The following KMT2B variants were observed in gnomAD, a reference collection of about 807,000 sequenced individuals.
KMT2B encodes lysine methyltransferase 2B, also known as histone-lysine N-methyltransferase 2B.
Under a neutral mutation model 255.3 loss-of-function variants are expected in KMT2B, and 22 were observed. The ratio of observed to expected loss-of-function variants is 0.09; its 90% CI spans 0.06 to 0.12. KMT2B has a LOEUF of 0.12. Among genes scored for constraint, KMT2B ranks in the 10% least tolerant of loss-of-function variants. The pLI is 1.00. For missense variants in KMT2B, 3,149 were observed against 3,737.0 expected (o/e 0.84, Z 4.10); for synonymous variants, 1,730 against 1,498.1 (o/e 1.15, Z -3.57).
At chr19:35,726,427 C>G in intron 14 of KMT2B, 74 bp downstream of exon 14, 1 of 985,512 alleles carries the variant, frequency 1.0e-6, no homozygotes. Flanking sequence ...GGCTTTAGCA[C>G]AGACCCTCTT....
At position 35,732,999 on chromosome 19, in the gene KMT2B, A is replaced by G. The variant is rs774658297; in HGVS notation, c.6450A>G (p.Gln2150=). ...PPLANGSQPS[Q]GLTASPADPT... ...TGGCTAATGGCAGCCAGCCCTCCCAAGGCCTGACCGCCAGCCCAGCTGACC... is the reference window on the plus strand; with the variant it reads ...TGGCTAATGGCAGCCAGCCCTCCCAGGGCCTGACCGCCAGCCCAGCTGACC... The change falls in exon 28 of 37, where the codon CAA becomes CAG. Residue 2150 remains glutamine, a synonymous_variant. Transcript: ENST00000420124. 4 of 1,598,360 alleles carry G rather than the reference A, an allele frequency of 2.5e-6. No homozygotes were observed. Among genetic ancestry groups the G allele is most frequent in the Non-Finnish European group, 3.4e-6 (4 of 1,173,268 alleles).
At position 35,718,456 on chromosome 19, in the gene KMT2B, G is replaced by C; in HGVS notation, c.363+75G>C. On this transcript the variant is annotated intron_variant, in intron 1 of 36. Coordinates refer to ENST00000420124, the MANE Select transcript of KMT2B (RefSeq NM_014727.3). The surrounding 1 kb of genome is among the most constrained non-coding windows in gnomAD (Gnocchi z 5.0). ...CTTCCAGGGGTCTGGGTTGTCCCGG[G>C]GGCGGCGTGGGCAGGCCGGGTCCTC... The C allele has an allele frequency of 8.3e-7, 1 of 1,202,018 alleles. No individual in the cohort carries two copies. Among genetic ancestry groups the C allele is most frequent in the African/African-American group, 1.6e-5 (1 of 62,888 alleles). The allele number at this position is 1,202,018 out of a possible 1,614,324, so 74.5% of individuals were successfully genotyped here. A position where few individuals can be genotyped will look rare whatever the true frequency, so the allele number is the denominator to read the frequency against.
chr19:35,730,188 C>T, intron 23 of KMT2B, 63 bp downstream of exon 23: 1 of 1,606,186 alleles, frequency 6.2e-7, no homozygotes, highest in South Asian at 1.1e-5. Flanking sequence ...ACTTAGGGAC[C>T]CCCGTGGCCC....
In KMT2B at chr19:35,728,144, A is replaced by G; in HGVS notation, c.4544A>G (p.Tyr1515Cys). The G allele has an allele frequency of 6.3e-7, 1 of 1,598,792 alleles. No individual in the cohort carries two copies. The highest frequency in any genetic ancestry group is 1.3e-5 in the African/African-American group (1 of 74,666). Residue 1515 changes from tyrosine (Y) to cysteine (C), a missense_variant, in exon 19 of 37, where the codon TAC becomes TGC. Physicochemically the swap from Tyr to Cys is radical, Grantham distance 194 (BLOSUM62 -2). Around this residue, in one of 18 missense-constraint regions of KMT2B, gnomAD observed 377 missense variants for 471.0 expected, o/e 0.80. Transcript: ENST00000420124. ...FGWFDAHDPK[Y>C]WRRSTRLPNG... is the part of the protein sequence containing the mutation. Reference sequence around the variant, plus strand: ...TGGTTCGACGCCCACGACCCCAAGTACTGGCGACGGAGTACCCGGCTGCCA... The same window carrying G: ...TGGTTCGACGCCCACGACCCCAAGTGCTGGCGACGGAGTACCCGGCTGCCA...
chr19:35,732,509 G>A lies in KMT2B; in HGVS notation c.5960G>A (p.Ser1987Asn). The A allele has an allele frequency of 2.5e-6, 4 of 1,613,958 alleles. No individual in the cohort carries two copies. The highest frequency in any genetic ancestry group is 3.4e-6 in the Non-Finnish European group (4 of 1,179,878). Reference protein sequence around the residue: ...FEDMEVVSGLSAADLDFAASL... With the variant: ...FEDMEVVSGLNAADLDFAASL... ...GACATGGAGGTGGTGTCAGGACTGA[G>A]TGCTGCTGACCTGGACTTCGCGGCC... The change falls in exon 28 of 37, where the codon AGT becomes AAT. Residue 1987 changes from serine (S) to asparagine (N), a missense_variant. Transcript: ENST00000420124.
rs1013713042 is a variant in KMT2B, at chr19:35,718,499, A to G, written c.363+118A>G. The G allele has an allele frequency of 2.7e-6, 3 of 1,128,176 alleles. No homozygotes were observed. Among genetic ancestry groups the G allele is most frequent in the Non-Finnish European group, 2.2e-6 (2 of 901,630 alleles). 69.9% of individuals were successfully genotyped at this position (1,128,176 alleles called of 1,614,324 possible). ...GGGTCCTCAGGGTTCCTTCGGAGAG[A>G]CGGGGCACGGAGGGAGGGCGGCTGC... On this transcript the variant is annotated intron_variant, in intron 1 of 36. Transcript: ENST00000420124. The surrounding 1 kb of genome is among the most constrained non-coding windows in gnomAD (Gnocchi z 5.0).
Position 35,725,361 on chromosome 19 carries a change from C to A in KMT2B, c.3642+28C>A. 6.4e-7 allele frequency: 1 copy of A among 1,558,458 alleles called. No homozygotes were observed. The highest frequency in any genetic ancestry group is 1.2e-5 in the South Asian group (1 of 83,052). On this transcript the variant is annotated intron_variant, in intron 11 of 36. Transcript: ENST00000420124. This position sits in a 1 kb window ranked among gnomAD's most constrained non-coding sequence, Gnocchi z 4.1. ...TAGATCTCTGCCTTTCTTCACAGAC[C>A]CCCAGCTCTCTGTCGGTCCTCACGG...
In KMT2B at chr19:35,730,872, G is replaced by A. The variant is rs1263245235; in HGVS notation, c.5437+5G>A. On this transcript the variant is annotated splice_donor_5th_base_variant and intron_variant, in intron 26 of 36. Coordinates refer to ENST00000420124, the MANE Select transcript of KMT2B (RefSeq NM_014727.3). ...ACAGCCCCGCCCCTTCCTCAGGTGT[G>A]GCTTTGGCTCTGTCTTCTTCCTGAA... is the stretch of plus-strand genomic sequence containing the variant. 2 of 1,595,240 alleles carry A rather than the reference G, an allele frequency of 1.3e-6. No homozygotes were observed. The highest frequency in any genetic ancestry group is 1.7e-6 in the Non-Finnish European group (2 of 1,170,336).
At position 35,738,213 on chromosome 19, in the gene KMT2B, G is replaced by A. The variant is rs1449246617; in HGVS notation, c.7872+22G>A. The stretch of plus-strand genomic sequence containing the variant: ...GAAGGTGGGCTCCCAGTGGCTGTGG[G>A]AAGACAGTGGGTGAAGCGAGCCTGT... On this transcript the variant is annotated intron_variant, in intron 36 of 36. Coordinates refer to ENST00000420124, the MANE Select transcript of KMT2B (RefSeq NM_014727.3). The surrounding 1 kb of genome is among the most constrained non-coding windows in gnomAD (Gnocchi z 8.7). The A allele has an allele frequency of 1.9e-6, 3 of 1,613,764 alleles. No homozygotes were observed. Among genetic ancestry groups the A allele is most frequent in the Non-Finnish European group, 2.5e-6 (3 of 1,179,806 alleles).
Position 35,723,928 on chromosome 19 carries a change from C to T in KMT2B, c.3255C>T (p.Ser1085=). The T allele has an allele frequency of 1.2e-6, 2 of 1,612,436 alleles. No homozygotes were observed. The highest frequency in any genetic ancestry group is 1.7e-6 in the Non-Finnish European group (2 of 1,179,652). ...GGCGCTGCGTCAAACAGCGACCCTCCTATGATATCTTCGAGGATTCGGATG... is the reference window on the plus strand; with the variant it reads ...GGCGCTGCGTCAAACAGCGACCCTCTTATGATATCTTCGAGGATTCGGATG... The part of the protein sequence containing the change: ...SARRCVKQRP[S]YDIFEDSDDS... Residue 1085 remains serine, a synonymous_variant, in exon 8 of 37, where the codon TCC becomes TCT. Coordinates refer to ENST00000420124, the MANE Select transcript of KMT2B (RefSeq NM_014727.3). This position sits in a 1 kb window ranked among gnomAD's most constrained non-coding sequence, Gnocchi z 7.5.
At position 35,733,099 on chromosome 19, in the gene KMT2B, C is replaced by G. The variant is rs1177278955; in HGVS notation, c.6550C>G (p.Pro2184Ala). 1.1e-5 allele frequency: 18 copies of G among 1,567,334 alleles called. No individual in the cohort carries two copies. The change falls in exon 28 of 37, where the codon CCC becomes GCC. Residue 2184 changes from proline to alanine, a missense_variant. Around this residue, in one of 18 missense-constraint regions of KMT2B, gnomAD observed 897 missense variants for 825.3 expected, o/e 1.09. Transcript: ENST00000420124. The surrounding 1 kb of genome is among the most constrained non-coding windows in gnomAD (Gnocchi z 4.3). ...VLSLGPAPEPPKPATSKIILV... is the reference protein window; with the variant it reads ...VLSLGPAPEPAKPATSKIILV... ...AAGCCTTGGCCCTGCCCCTGAGCCC[C>G]CCAAACCCGCCACATCCAAAATCAT...
chr19:35,732,863 C>A lies in KMT2B; in HGVS notation c.6314C>A (p.Pro2105His). The change falls in exon 28 of 37, where the codon CCT becomes CAT. Residue 2105 changes from proline (P) to histidine (H), a missense_variant. Pro to His is a moderately conservative substitution (Grantham distance 77, BLOSUM62 -2). Transcript: ENST00000420124. Reference sequence around the variant, plus strand: ...GGGGCTGCAGGGGACAGGGCCCGGCCTCCTGAGGACCTGCCATCGGAAATT... The same window carrying A: ...GGGGCTGCAGGGGACAGGGCCCGGCATCCTGAGGACCTGCCATCGGAAATT... ...VLGAAGDRAR[P>H]PEDLPSEIVD... 1 of 1,609,922 alleles carries A rather than the reference C, an allele frequency of 6.2e-7. No homozygotes were observed. The highest frequency in any genetic ancestry group is 8.5e-7 in the Non-Finnish European group (1 of 1,178,702).
intron 23 of KMT2B, 23 bp downstream of exon 23, chr19:35,730,148 A>G: frequency 6.2e-7 from 1 of 1,613,192 alleles, no homozygotes; most frequent in Non-Finnish European, 8.5e-7. Flanking sequence ...TGTGGGGTAC[A>G]CGGTTCCTTC....
Position 35,720,233 on chromosome 19 carries a change from G to A in KMT2B, c.886G>A (p.Gly296Ser), listed in dbSNP as rs201417711. 164 of 1,611,470 alleles carry A rather than the reference G, an allele frequency of 1.0e-4. No individual in the cohort carries two copies. The highest frequency in any genetic ancestry group is 1.3e-4 in the Non-Finnish European group (155 of 1,179,140). ...SRGGRGGRGR[G>S]RGGGLPFVIK... The stretch of plus-strand genomic sequence containing the variant: ...TGGAGGCCGTGGAGGCAGGGGCCGC[G>A]GCCGAGGTGGTGGGCTCCCCTTTGT... Residue 296 changes from glycine to serine, a missense_variant, in exon 3 of 37, where the codon GGC becomes AGC. Gly to Ser is a moderately conservative substitution (Grantham distance 56). Around this residue, in one of 18 missense-constraint regions of KMT2B, gnomAD observed 1,188 missense variants for 1,106.4 expected, o/e 1.07. Transcript: ENST00000420124.
chr19:35,731,954 C>T lies in KMT2B; in HGVS notation c.5484C>T (p.Val1828=), dbSNP rs765572008. ...EDPPLDTDVL[V]PGAPERHSPI... Reference sequence around the variant, plus strand: ...CCCCACTGGACACAGATGTTCTTGTCCCTGGAGCTCCTGAGCGCCACTCGC... The same window carrying T: ...CCCCACTGGACACAGATGTTCTTGTTCCTGGAGCTCCTGAGCGCCACTCGC... The change falls in exon 27 of 37, where the codon GTC becomes GTT. Residue 1828 remains valine, a synonymous_variant. Coordinates refer to ENST00000420124, the MANE Select transcript of KMT2B (RefSeq NM_014727.3). 14 of 1,613,718 alleles carry T rather than the reference C, an allele frequency of 8.7e-6. No homozygotes were observed. The East Asian group carries it at 1.3e-4, about 15-fold the overall frequency.
Position 35,721,367 on chromosome 19 carries a change from C to T in KMT2B, c.2020C>T (p.Pro674Ser), listed in dbSNP as rs767783057. ...SVLTPPPLGAPEAPEPEPPPA... is the reference protein window; with the variant it reads ...SVLTPPPLGASEAPEPEPPPA... ...GCTTACTCCTCCTCCTCTTGGGGCT[C>T]CTGAAGCCCCTGAGCCAGAGCCTCC... The change falls in exon 3 of 37, where the codon CCT becomes TCT. Residue 674 changes from proline to serine, a missense_variant. Pro to Ser is a moderately conservative substitution (Grantham distance 74, BLOSUM62 -1). Coordinates refer to ENST00000420124, the MANE Select transcript of KMT2B (RefSeq NM_014727.3). The T allele has an allele frequency of 5.6e-6, 9 of 1,596,266 alleles. No homozygotes were observed. In the Admixed American group the frequency reaches 1.6e-4, roughly 28 times the overall value.
Position 35,723,852 on chromosome 19 carries a change from C to T in KMT2B, c.3179C>T (p.Ala1060Val). ...GAGGPREEVVAHPGPEEQDSL... is the reference protein window; with the variant it reads ...GAGGPREEVVVHPGPEEQDSL... ...GGGGGGCCCCGGGAGGAGGTGGTGG[C>T]CCACCCAGGGCCCGAGGAGCAGGAC... is the stretch of plus-strand genomic sequence containing the variant. The change falls in exon 8 of 37, where the codon GCC becomes GTC. Residue 1060 changes from alanine to valine, a missense_variant. Ala to Val is a moderately conservative substitution (Grantham distance 64). Around this residue, in one of 18 missense-constraint regions of KMT2B, gnomAD observed 50 missense variants for 71.9 expected, o/e 0.70. Coordinates refer to ENST00000420124, the MANE Select transcript of KMT2B (RefSeq NM_014727.3). The surrounding 1 kb of genome is among the most constrained non-coding windows in gnomAD (Gnocchi z 7.5). The T allele has an allele frequency of 6.2e-7, 1 of 1,603,672 alleles. No individual in the cohort carries two copies. The highest frequency in any genetic ancestry group is 8.5e-7 in the Non-Finnish European group (1 of 1,175,224).
At chr19:35,719,044 C>T (rs1379733802) in intron 1 of KMT2B, among the ~76,000 whole-genome samples, 1 of 152,152 alleles carries the variant, frequency 6.6e-6, no homozygotes, top group Non-Finnish European at 1.5e-5. Context: ...CCATCTGATG[C>T]CCTCCCCGCC....
Position 35,724,725 on chromosome 19 carries a change from G to A in KMT2B, c.3423G>A (p.Leu1141=). Residue 1141 remains leucine, a synonymous_variant, in exon 9 of 37, where the codon CTG becomes CTA. Coordinates refer to ENST00000420124, the MANE Select transcript of KMT2B (RefSeq NM_014727.3). ...PVLQLKARRR[L]DKDALAPGPF... is the part of the protein sequence containing the mutation. ...TGCAGCTCAAGGCCCGAAGGCGCCTGGACAAGGTCAGCACGGCCCGCTCCG... is the reference window on the plus strand; with the variant it reads ...TGCAGCTCAAGGCCCGAAGGCGCCTAGACAAGGTCAGCACGGCCCGCTCCG... 6.3e-7 allele frequency: 1 copy of A among 1,588,484 alleles called. No homozygotes were observed. The highest frequency in any genetic ancestry group is 8.6e-7 in the Non-Finnish European group (1 of 1,167,952).
Sources: allele counts gnomAD v4.1 joint callset (sites outside exome capture counted in the v4.1 genomes callset), GRCh38; gene constraint gnomAD v4.1.1; regional missense constraint gnomAD v4.1.1; non-coding constraint Gnocchi (gnomAD v3.1); transcripts MANE v1.5; gene names NCBI Gene and HGNC (gene_info 2026-07-23, HGNC 2026-07-21).